SH3GL1: variants seen among roughly 807,000 people sequenced by gnomAD.
SH3GL1 encodes endophilin-A2.
Under a neutral mutation model 48.8 loss-of-function variants are expected in SH3GL1, and 21 were observed. The ratio of observed to expected loss-of-function variants is 0.43; its 90% CI spans 0.30 to 0.62. The LOEUF is 0.62. Among genes scored for constraint, SH3GL1 ranks in the 20% least tolerant of loss-of-function variants. SH3GL1 has a pLI of 0.11. For synonymous variants in SH3GL1, 282 were observed against 217.5 expected (o/e 1.30, Z -2.61); for missense variants, 454 against 503.0 (o/e 0.90, Z 0.93).
chr19:4,376,458 C>G lies in SH3GL1; in HGVS notation c.46-9464G>C, dbSNP rs2144889470. 6.6e-6 allele frequency among the ~76,000 whole-genome samples: 1 copy of G among 152,274 alleles called. No individual in the cohort carries two copies. Among genetic ancestry groups the G allele is most frequent in the South Asian group, 2.1e-4 (1 of 4,824 alleles). ...TCTGTTTGGCCTCCAGTGCTTGCCT[C>G]TCCCGTGTCCTATCCGCCCAGACCT... On this transcript the variant is annotated intron_variant, in intron 1 of 9. Coordinates refer to ENST00000269886, the MANE Select transcript of SH3GL1 (RefSeq NM_003025.4). The surrounding 1 kb of genome is among the most constrained non-coding windows in gnomAD (Gnocchi z 4.3).
At chr19:4,363,343 C>A in intron 7 of SH3GL1, 27 bp downstream of exon 7, 2 of 1,558,196 alleles carry the variant, frequency 1.3e-6, no homozygotes, top group Non-Finnish European at 1.7e-6. Flanking sequence ...AGCCCAGACT[C>A]TGGAGAGACC....
rs147257854 is a variant in SH3GL1, at chr19:4,366,968, G to A, written c.72C>T (p.Ala24=). The A allele has an allele frequency of 2.0e-5, 33 of 1,613,778 alleles. No homozygotes were observed. Among genetic ancestry groups the A allele is most frequent in the Middle Eastern group, 1.6e-4 (1 of 6,082 alleles). Residue 24 remains alanine (A), a synonymous_variant, in exon 2 of 10, where the codon GCC becomes GCT. Transcript: ENST00000269886. The stretch of plus-strand genomic sequence containing the variant: ...AGTCATCATCCAGCTTGGTCCCCTC[G>A]GCCCCTCCGACCTTCTCACTGACCA... ...SQLVSEKVGG[A]EGTKLDDDFK... is the part of the protein sequence containing the mutation.
chr19:4,360,546 G>C lies in SH3GL1; in HGVS notation c.*1054C>G, dbSNP rs7769. The C allele has an allele frequency of 3.9e-5, 9 of 233,368 alleles. No individual in the cohort carries two copies. Among genetic ancestry groups the C allele is most frequent in the Admixed American group, 1.1e-4 (2 of 17,770 alleles). The allele number at this position is 233,368 out of a possible 1,614,324, so 14.5% of individuals were successfully genotyped here. On this transcript the variant is annotated 3_prime_UTR_variant, in exon 10 of 10. Coordinates refer to ENST00000269886, the MANE Select transcript of SH3GL1 (RefSeq NM_003025.4). ...GTCCGGAGGCTTCACTGGACCACAG[G>C]GGGAGGGGAATGTGAATGTGGCCTG...
chr19:4,400,213 A>G lies in SH3GL1; in HGVS notation c.45+111T>C. 1 of 1,203,038 alleles carries G rather than the reference A, an allele frequency of 8.3e-7. No homozygotes were observed. 74.5% of individuals were successfully genotyped at this position (1,203,038 alleles called of 1,614,324 possible). On this transcript the variant is annotated intron_variant, in intron 1 of 9. Coordinates refer to ENST00000269886, the MANE Select transcript of SH3GL1 (RefSeq NM_003025.4). This position sits in a 1 kb window ranked among gnomAD's most constrained non-coding sequence, Gnocchi z 4.1. Reference sequence around the variant, plus strand: ...TCCCACCTGGCAGGGGACACGCGCCAACGTCCCCACCTCGGTCCCCCCGGC... The same window carrying G: ...TCCCACCTGGCAGGGGACACGCGCCGACGTCCCCACCTCGGTCCCCCCGGC...
intron 2 of SH3GL1, 59 bp from the exon 3 acceptor site, chr19:4,366,632 AC>A: frequency 1.4e-6 from 2 of 1,472,162 alleles, no homozygotes; most frequent in Non-Finnish European, 1.9e-6. Flanking sequence ...GGCACACAAG[AC>A]CCCCGCTGCT....
chr19:4,368,524 A>G (rs532689898), intron 1 of SH3GL1, among the ~76,000 whole-genome samples: 1 of 152,310 alleles, frequency 6.6e-6, no homozygotes, highest in Admixed American at 6.5e-5. Flanking sequence ...TGTCCTGGCA[A>G]CCTGCCCAAA....
chr19:4,366,659 C>T, intron 2 of SH3GL1, 86 bp from the exon 3 acceptor site: 1 of 1,298,098 alleles, frequency 7.7e-7, no homozygotes, highest in Admixed American at 1.9e-5. Context: ...GCCTCCTGCC[C>T]TAAGAGCCCA....
chr19:4,366,286 C>A (rs540421909), intron 3 of SH3GL1, among the ~76,000 whole-genome samples: 20 of 152,286 alleles, frequency 1.3e-4, no homozygotes, highest in African/African-American at 4.8e-4. Context: ...CCTGAGGAAC[C>A]AGTCGGCATG....
chr19:4,365,661 GGCCTGCACTCCTCT>G (rs1568408901), intron 3 of SH3GL1, 36 bp from the exon 4 acceptor site: 1 of 1,611,774 alleles, frequency 6.2e-7, no homozygotes, highest in East Asian at 2.2e-5. Context: ...TGGGCTGTGA[GGCCTGCACTCCTCT>G]GCCCTGGCAG....
chr19:4,364,324 C>A lies in SH3GL1; in HGVS notation c.332-103G>T. 2.8e-6 allele frequency: 4 copies of A among 1,453,408 alleles called. No homozygotes were observed. The South Asian group carries it at 4.8e-5, about 18-fold the overall frequency. The allele number at this position is 1,453,408 out of a possible 1,614,324, so 90.0% of individuals were successfully genotyped here. A position where few individuals can be genotyped will look rare whatever the true frequency, so the allele number is the denominator to read the frequency against. ...TGAAATAGCGTTTCACAGGCTGGAA[C>A]GCAGTGGCGCTGTACCAGCTCACTG... On this transcript the variant is annotated intron_variant, in intron 4 of 9. Coordinates refer to ENST00000269886, the MANE Select transcript of SH3GL1 (RefSeq NM_003025.4).
chr19:4,370,690 A>G (rs1436511129), intron 1 of SH3GL1, among the ~76,000 whole-genome samples: 1 of 152,036 alleles, frequency 6.6e-6, no homozygotes, highest in African/African-American at 2.4e-5. Flanking sequence ...AGTCTCCAAG[A>G]CTCTGCCCCT....
intron 5 of SH3GL1, 33 bp downstream of exon 5, chr19:4,364,054 AG>A: frequency 6.2e-7 from 1 of 1,611,386 alleles, no homozygotes; most frequent in Non-Finnish European, 8.5e-7. Context: ...GGCAGGGGGA[AG>A]GGACAGGCCC....
At position 4,363,292 on chromosome 19, in the gene SH3GL1, C is replaced by T. The variant is rs62129346; in HGVS notation, c.728+78G>A. Reference sequence around the variant, plus strand: ...GCTCTGCCATGTGCTCACCCCACAGCGAGGTGTGCTGCCCACTTGCGCTGG... The same window carrying T: ...GCTCTGCCATGTGCTCACCCCACAGTGAGGTGTGCTGCCCACTTGCGCTGG... On this transcript the variant is annotated intron_variant, in intron 7 of 9. Coordinates refer to ENST00000269886, the MANE Select transcript of SH3GL1 (RefSeq NM_003025.4). 0.24 allele frequency: 260,838 copies of T among 1,081,548 alleles called. 33,251 individuals carry two copies. Among genetic ancestry groups the T allele is most frequent in the Non-Finnish European group, 0.26 (190,570 of 725,996 alleles). 67.0% of individuals were successfully genotyped at this position (1,081,548 alleles called of 1,614,324 possible).
chr19:4,363,294 AG>A lies in SH3GL1; in HGVS notation c.728+75del, dbSNP rs1300901271. 18 of 1,103,026 alleles carry A rather than the reference AG, an allele frequency of 1.6e-5. No individual in the cohort carries two copies. The Admixed American group carries it at 3.0e-4, about 18-fold the overall frequency. 68.3% of individuals were successfully genotyped at this position (1,103,026 alleles called of 1,614,324 possible). On this transcript the variant is annotated intron_variant, in intron 7 of 9. Coordinates refer to ENST00000269886, the MANE Select transcript of SH3GL1 (RefSeq NM_003025.4). ...TCTGCCATGTGCTCACCCCACAGCG[AG>A]GTGTGCTGCCCACTTGCGCTGGCAG...
chr19:4,369,150 AG>A (rs1205357358), intron 1 of SH3GL1, among the ~76,000 whole-genome samples: 1 of 152,224 alleles, frequency 6.6e-6, no homozygotes, highest in Non-Finnish European at 1.5e-5. Context: ...GGTGAGAAGC[AG>A]GAACTGTCCC....
intron 1 of SH3GL1, among the ~76,000 whole-genome samples, chr19:4,368,943 G>A (rs1046752069): frequency 6.6e-6 from 1 of 152,160 alleles, no homozygotes; most frequent in Non-Finnish European, 1.5e-5. Flanking sequence ...CTGATGGCGG[G>A]TGCCTGTAGT....
chr19:4,389,924 G>C lies in SH3GL1; in HGVS notation c.45+10400C>G, dbSNP rs1475633992. Reference sequence around the variant, plus strand: ...GCATGTTCCCGGCCCAGGGAGGGGAGTGGGCCCACTCACCCCATGCCCTCG... The same window carrying C: ...GCATGTTCCCGGCCCAGGGAGGGGACTGGGCCCACTCACCCCATGCCCTCG... On this transcript the variant is annotated intron_variant, in intron 1 of 9. Coordinates refer to ENST00000269886, the MANE Select transcript of SH3GL1 (RefSeq NM_003025.4). This position sits in a 1 kb window ranked among gnomAD's most constrained non-coding sequence, Gnocchi z 4.5. 1 of 152,358 alleles carries C rather than the reference G, an allele frequency of 6.6e-6. No individual in the cohort carries two copies. Among genetic ancestry groups the C allele is most frequent in the Non-Finnish European group, 1.5e-5 (1 of 68,132 alleles). 9.4% of individuals were successfully genotyped at this position (152,358 alleles called of 1,614,324 possible).
chr19:4,389,755 A>C lies in SH3GL1; in HGVS notation c.45+10569T>G, dbSNP rs560978814. Among the ~76,000 whole-genome samples the C allele has an allele frequency of 6.6e-6, 1 of 152,136 alleles. No homozygotes were observed. The highest frequency in any genetic ancestry group is 6.5e-5 in the Admixed American group (1 of 15,276). On this transcript the variant is annotated intron_variant, in intron 1 of 9. Coordinates refer to ENST00000269886, the MANE Select transcript of SH3GL1 (RefSeq NM_003025.4). The surrounding 1 kb of genome is among the most constrained non-coding windows in gnomAD (Gnocchi z 4.5). ...GGGCAGGCCAGCCAGTAAACCAAACACTGGGGATGCAGCAATGAGCACAAA... is the reference window on the plus strand; with the variant it reads ...GGGCAGGCCAGCCAGTAAACCAAACCCTGGGGATGCAGCAATGAGCACAAA...
chr19:4,389,948 C>T lies in SH3GL1; in HGVS notation c.45+10376G>A, dbSNP rs1032991404. 4 of 152,400 alleles carry T rather than the reference C, an allele frequency of 2.6e-5. No homozygotes were observed. Among genetic ancestry groups the T allele is most frequent in the Non-Finnish European group, 5.9e-5 (4 of 68,178 alleles). The allele number at this position is 152,400 out of a possible 1,614,324, so 9.4% of individuals were successfully genotyped here. A position where few individuals can be genotyped will look rare whatever the true frequency, so the allele number is the denominator to read the frequency against. Reference sequence around the variant, plus strand: ...AGTGGGCCCACTCACCCCATGCCCTCGCAGGCCTGATGCCATCTGGATTCT... The same window carrying T: ...AGTGGGCCCACTCACCCCATGCCCTTGCAGGCCTGATGCCATCTGGATTCT... On this transcript the variant is annotated intron_variant, in intron 1 of 9. Coordinates refer to ENST00000269886, the MANE Select transcript of SH3GL1 (RefSeq NM_003025.4). This position sits in a 1 kb window ranked among gnomAD's most constrained non-coding sequence, Gnocchi z 4.5.
Sources: allele counts gnomAD v4.1 joint callset (sites outside exome capture counted in the v4.1 genomes callset), GRCh38; gene constraint gnomAD v4.1.1; non-coding constraint Gnocchi (gnomAD v3.1); transcripts MANE v1.5; gene names NCBI Gene and HGNC (gene_info 2026-07-23, HGNC 2026-07-21).